The following PLEKHD1 variants were observed in gnomAD, a reference collection of about 807,000 sequenced individuals.
PLEKHD1 encodes pleckstrin homology domain-containing family D member 1.
Under a neutral mutation model 69.2 loss-of-function variants are expected in PLEKHD1, and 51 were observed. That is an observed-to-expected ratio of 0.74 (90% CI 0.59 to 0.93). The LOEUF (loss-of-function observed/expected upper bound fraction) is 0.93, where lower values mean the gene tolerates loss of function less well. Among genes scored for constraint, PLEKHD1 ranks in the 40% least tolerant of loss-of-function variants. The probability of loss-of-function intolerance (pLI) is 0.00; values close to 1 mark genes in which losing one functional copy is unlikely to be tolerated. For missense variants in PLEKHD1, 584 were observed against 641.0 expected, an observed-to-expected ratio of 0.91 and a Z score of 0.96; for synonymous variants, 236 against 244.7, an observed-to-expected ratio of 0.96 and a Z score of 0.33.
intron 1 of PLEKHD1, among the ~76,000 whole-genome samples, chr14:69,495,324 C>A (rs1331147529): frequency 6.6e-6 from 1 of 152,186 alleles, no homozygotes. Flanking sequence ...TTTACCCTGA[C>A]AATCTGCCCT....
intron 6 of PLEKHD1, among the ~76,000 whole-genome samples, chr14:69,507,588 T>C (rs924254211): frequency 6.6e-6 from 1 of 152,274 alleles, no homozygotes; most frequent in African/African-American, 2.4e-5. Context: ...GTTGCCAAAC[T>C]GTCTTCCAAA....
At chr14:69,476,618 T>C in the PLEKHD1 span, among the ~76,000 whole-genome samples, 292 of 152,242 alleles carry the variant, frequency 1.9e-3, no homozygotes, top group African/African-American at 6.6e-3. Context: ...GTCTTTGGGC[T>C]GAATGTTGAA....
chr14:69,514,926 G>A (rs1049678103), intron 6 of PLEKHD1, among the ~76,000 whole-genome samples: 2 of 152,092 alleles, frequency 1.3e-5, no homozygotes, highest in East Asian at 1.9e-4. Context: ...GAACAGAATG[G>A]CCTCAGGCAC....
At chr14:69,477,726 T>A in the PLEKHD1 span, among the ~76,000 whole-genome samples, 1 of 152,212 alleles carries the variant, frequency 6.6e-6, no homozygotes, top group African/African-American at 2.4e-5. Context: ...CTCCTTTGAC[T>A]CCATGTCTCG....
At chr14:69,525,694 C>T (rs1158311292) in intron 8 of PLEKHD1, among the ~76,000 whole-genome samples, 1 of 152,148 alleles carries the variant, frequency 6.6e-6, no homozygotes, top group Non-Finnish European at 1.5e-5. Context: ...CATGCGACCC[C>T]GTTCTAGTAG....
intron 6 of PLEKHD1, among the ~76,000 whole-genome samples, chr14:69,520,166 C>CA (rs761343645): frequency 0.057 from 1,168 of 20,472 alleles, 263 homozygotes; most frequent in African/African-American, 0.13. Context: ...GACTCTGTCT[C>CA]AAAAAAAAAA....
At position 69,528,739 on chromosome 14, in the gene PLEKHD1, A is replaced by T. The variant is rs1883723021; in HGVS notation, c.*320A>T. Reference sequence around the variant, plus strand: ...GTGTCGGTTAGGGAGTGGGGTGGGGAGGTGCTGTCTACCACTGTGCCATCA... The same window carrying T: ...GTGTCGGTTAGGGAGTGGGGTGGGGTGGTGCTGTCTACCACTGTGCCATCA... On this transcript the variant is annotated 3_prime_UTR_variant, in exon 13 of 13. Coordinates refer to ENST00000322564, the MANE Select transcript of PLEKHD1 (RefSeq NM_001161498.2). The T allele has an allele frequency of 5.7e-6, 2 of 351,736 alleles. No homozygotes were observed. The highest frequency in any genetic ancestry group is 7.6e-5 in the South Asian group (2 of 26,170). The allele number at this position is 351,736 out of a possible 1,614,324, so 21.8% of individuals were successfully genotyped here. A position where few individuals can be genotyped will look rare whatever the true frequency, so the allele number is the denominator to read the frequency against.
chr14:69,528,556 C>A lies in PLEKHD1; in HGVS notation c.*137C>A. On this transcript the variant is annotated 3_prime_UTR_variant, in exon 13 of 13. Transcript: ENST00000322564. The stretch of plus-strand genomic sequence containing the variant: ...ATGTCTCCTCTGGGCCGGAGCTCCA[C>A]TTGGGGGCCAGCCTTGCCCTCAAAG... 8.3e-7 allele frequency: 1 copy of A among 1,200,658 alleles called. No individual in the cohort carries two copies. Among genetic ancestry groups the A allele is most frequent in the Non-Finnish European group, 1.1e-6 (1 of 883,812 alleles). 74.4% of individuals were successfully genotyped at this position (1,200,658 alleles called of 1,614,324 possible). A position where few individuals can be genotyped will look rare whatever the true frequency, so the allele number is the denominator to read the frequency against.
At chr14:69,500,805 G>A (rs559941683) in intron 3 of PLEKHD1, 66 bp from the exon 4 acceptor site, 36 of 1,538,256 alleles carry the variant, frequency 2.3e-5, no homozygotes, top group Admixed American at 1.4e-4. Context: ...ACAGGGCAGA[G>A]CTGGGCCTCC....
In PLEKHD1 at chr14:69,502,839, A is replaced by C; in HGVS notation, c.515A>C (p.Glu172Ala). The change falls in exon 6 of 13, where the codon GAA (glutamate) becomes GCA (alanine). Residue 172 changes from glutamate (E) to alanine (A), a missense_variant. Transcript: ENST00000322564. The part of the protein sequence containing the change: ...EKQEYLDKLM[E>A]ETEELCLQRE... ...CTTGTTTTGGCAGACAAACTGATGG[A>C]AGAGACCGAAGAACTCTGCCTTCAG... The C allele has an allele frequency of 1.3e-6, 2 of 1,551,574 alleles. No homozygotes were observed. Among genetic ancestry groups the C allele is most frequent in the South Asian group, 2.4e-5 (2 of 84,058 alleles).
At chr14:69,508,115 T>C (rs1883191831) in intron 6 of PLEKHD1, among the ~76,000 whole-genome samples, 1 of 152,206 alleles carries the variant, frequency 6.6e-6, no homozygotes, top group Non-Finnish European at 1.5e-5. Flanking sequence ...AAAATTTTTA[T>C]TTATTTTTTT....
chr14:69,513,515 C>T (rs754495661), intron 6 of PLEKHD1, among the ~76,000 whole-genome samples: 67 of 152,128 alleles, frequency 4.4e-4, no homozygotes, highest in Non-Finnish European at 8.2e-4. Context: ...GAAGTGTGGC[C>T]GCTGGGATTG....
chr14:69,520,491 G>A (rs980840182), intron 6 of PLEKHD1, among the ~76,000 whole-genome samples: 1 of 152,110 alleles, frequency 6.6e-6, no homozygotes, highest in Non-Finnish European at 1.5e-5. Flanking sequence ...TTTATTGGGA[G>A]GCCAAGGTGG....
chr14:69,526,661 G>A (rs1361108747), intron 9 of PLEKHD1, 36 bp from the exon 10 acceptor site: 30 of 1,457,662 alleles, frequency 2.1e-5, no homozygotes, highest in Non-Finnish European at 2.6e-5. Flanking sequence ...CATTTGGCGA[G>A]TGAGCATTGA....
chr14:69,492,700 G>T (rs1292880993), intron 1 of PLEKHD1, among the ~76,000 whole-genome samples: 1 of 152,196 alleles, frequency 6.6e-6, no homozygotes, highest in Non-Finnish European at 1.5e-5. Flanking sequence ...TTAGCACAAT[G>T]CTGTTACTAG....
intron 6 of PLEKHD1, among the ~76,000 whole-genome samples, chr14:69,508,870 C>T (rs1199186922): frequency 2.0e-5 from 3 of 152,200 alleles, no homozygotes; most frequent in Non-Finnish European, 4.4e-5. Flanking sequence ...CAACAGGTAA[C>T]TTCAAGGAGC....
At position 69,530,342 on chromosome 14, in the gene PLEKHD1, T is replaced by G. The variant is rs17107061; in HGVS notation, c.*1923T>G. 0.077 allele frequency: 11,717 copies of G among 152,270 alleles called. 576 individuals carry two copies. Among genetic ancestry groups the G allele is most frequent in the African/African-American group, 0.15 (6,127 of 41,524 alleles). The allele number at this position is 152,270 out of a possible 1,614,324, so 9.4% of individuals were successfully genotyped here. A position where few individuals can be genotyped will look rare whatever the true frequency, so the allele number is the denominator to read the frequency against. ...AGCTGGGGAGAGGGCTGAGTCAGTT[T>G]GGAATAAATGCATTTGACAGGGCTG... On this transcript the variant is annotated 3_prime_UTR_variant, in exon 13 of 13. Transcript: ENST00000322564.
rs374338641 is a variant in PLEKHD1 at position 69,495,313 on chromosome 14, C to T, written c.150-4802C>T. ...AACATCCCCTAATGAATCTCCCTGC[C>T]TTTACCCTGACAATCTGCCCTCAAC... On this transcript the variant is annotated intron_variant, in intron 1 of 12. Coordinates refer to ENST00000322564, the MANE Select transcript of PLEKHD1 (RefSeq NM_001161498.2). 7.9e-5 allele frequency among the ~76,000 whole-genome samples: 12 copies of T among 152,178 alleles called. No individual in the cohort carries two copies. In the East Asian group the frequency reaches 2.3e-3, roughly 29 times the overall value.
chr14:69,493,752 G>A, intron 1 of PLEKHD1, among the ~76,000 whole-genome samples: 1 of 152,180 alleles, frequency 6.6e-6, no homozygotes, highest in East Asian at 1.9e-4. Context: ...TCTTTAATCT[G>A]GAAATGAAAA....
Sources: allele counts gnomAD v4.1 joint callset (sites outside exome capture counted in the v4.1 genomes callset), GRCh38; gene constraint gnomAD v4.1.1; transcripts MANE v1.5; gene names NCBI Gene and HGNC (gene_info 2026-07-23, HGNC 2026-07-21).